Variants in HECW1 observed in about 807,000 individuals in gnomAD.
The protein encoded by HECW1 is E3 ubiquitin-protein ligase HECW1.
HECW1 carries 61 observed loss-of-function variants against 182.3 expected under a neutral mutation model. The observed-to-expected ratio is 0.33, with a 90% CI of 0.27 to 0.41. HECW1 has a LOEUF of 0.41. HECW1 is among the 10% of genes least tolerant of loss of function. HECW1 has a pLI of 1.00. For missense variants in HECW1, 1,739 were observed against 2,108.9 expected (o/e 0.82, Z 3.44); for synonymous variants, 859 against 832.6 (o/e 1.03, Z -0.55).
chr7:43,561,281 G>A (rs369624261), intron 29 of HECW1, among the ~76,000 whole-genome samples: 1 of 152,280 alleles, frequency 6.6e-6, no homozygotes, highest in South Asian at 2.1e-4. Flanking sequence ...GCAGCACTTC[G>A]ACTTTAGGTT....
At chr7:43,437,747 AT>A (rs1345497232) in intron 8 of HECW1, among the ~76,000 whole-genome samples, 6 of 152,200 alleles carry the variant, frequency 3.9e-5, no homozygotes, top group Non-Finnish European at 8.8e-5. Context: ...CTTTGGTGGC[AT>A]TCTTTCTCTT....
intron 2 of HECW1, among the ~76,000 whole-genome samples, chr7:43,207,130 T>C (rs959274337): frequency 6.6e-6 from 1 of 152,190 alleles, no homozygotes; most frequent in African/African-American, 2.4e-5. Context: ...CACTGCAACC[T>C]CCGTCTCCTG....
Position 43,311,668 on chromosome 7 carries a change from G to A in HECW1, c.28-95G>A, listed in dbSNP as rs377386173. ...CCCAGCAGGGCAGCTCACTCACAGC[G>A]CGTGTCTCCCAGCACATCTTTCGTT... On this transcript the variant is annotated intron_variant, in intron 3 of 29. Coordinates refer to ENST00000395891, the MANE Select transcript of HECW1 (RefSeq NM_015052.5). 362 of 1,105,176 alleles carry A rather than the reference G, an allele frequency of 3.3e-4. 3 individuals are homozygous for A. The highest frequency in any genetic ancestry group is 1.2e-4 in the African/African-American group (8 of 65,452). The allele number at this position is 1,105,176 out of a possible 1,614,324, so 68.5% of individuals were successfully genotyped here.
intron 3 of HECW1, among the ~76,000 whole-genome samples, chr7:43,272,314 A>G (rs1290484734): frequency 1.3e-5 from 2 of 152,192 alleles, no homozygotes; most frequent in African/African-American, 4.8e-5. Flanking sequence ...AATTGCAACA[A>G]AAACAAAAGT....
chr7:43,408,218 G>A (rs761438419), intron 8 of HECW1, among the ~76,000 whole-genome samples: 10 of 152,172 alleles, frequency 6.6e-5, no homozygotes, highest in Non-Finnish European at 1.3e-4. Flanking sequence ...AATATTGTTT[G>A]ATTTAAATAG....
intron 13 of HECW1, among the ~76,000 whole-genome samples, chr7:43,462,823 C>T (rs1422509021): frequency 5.3e-5 from 8 of 152,238 alleles, no homozygotes; most frequent in Non-Finnish European, 1.0e-4. Flanking sequence ...CCTTTCCCAA[C>T]AAGCTCCCCA....
At chr7:43,278,811 T>C (rs910155164) in intron 3 of HECW1, among the ~76,000 whole-genome samples, 3 of 152,158 alleles carry the variant, frequency 2.0e-5, no homozygotes, top group African/African-American at 4.8e-5. Flanking sequence ...GCATTTACAA[T>C]TGCAACCACC....
At chr7:43,483,185 T>G (rs1436922582) in intron 17 of HECW1, among the ~76,000 whole-genome samples, 2 of 152,162 alleles carry the variant, frequency 1.3e-5, no homozygotes. Context: ...TTGAGGAAAG[T>G]AATTGATTCA....
chr7:43,318,088 G>C (rs1321498057), intron 4 of HECW1, among the ~76,000 whole-genome samples: 1 of 152,134 alleles, frequency 6.6e-6, no homozygotes, highest in African/African-American at 2.4e-5. Context: ...ACAGAACAAA[G>C]TACCCAATAC....
At chr7:43,488,450 A>AAGAAAGAAAG (rs2152916433) in intron 17 of HECW1, among the ~76,000 whole-genome samples, 1 of 144,938 alleles carries the variant, frequency 6.9e-6, no homozygotes, top group South Asian at 2.3e-4. Flanking sequence ...GAAAGAAAGA[A>AAGAAAGAAAG]AGAAAGAAAG....
chr7:43,265,563 T>A (rs1801685284), intron 3 of HECW1, among the ~76,000 whole-genome samples: 2 of 152,226 alleles, frequency 1.3e-5, no homozygotes. Flanking sequence ...CTAATAAGTT[T>A]AAAACACCTT....
chr7:43,459,058 A>G (rs1225832279), intron 13 of HECW1, among the ~76,000 whole-genome samples: 1 of 152,112 alleles, frequency 6.6e-6, no homozygotes, highest in Non-Finnish European at 1.5e-5. Flanking sequence ...TGGCTTGGCC[A>G]CATGCTCCCA....
intron 28 of HECW1, among the ~76,000 whole-genome samples, chr7:43,553,874 G>A (rs576848885): frequency 7.2e-5 from 11 of 152,200 alleles, no homozygotes; most frequent in African/African-American, 2.2e-4. Flanking sequence ...CCCTTTGCAC[G>A]CTGCTCGTAG....
intron 19 of HECW1, among the ~76,000 whole-genome samples, chr7:43,497,617 G>A (rs750552552): frequency 1.3e-5 from 2 of 152,184 alleles, no homozygotes; most frequent in Admixed American, 6.5e-5. Flanking sequence ...GGGCTATGCA[G>A]GAGACTATTA....
chr7:43,336,823 T>C (rs1562854942), intron 5 of HECW1, among the ~76,000 whole-genome samples: 1 of 152,226 alleles, frequency 6.6e-6, no homozygotes, highest in East Asian at 1.9e-4. Context: ...GTTTCTGAGT[T>C]AGTTCACTTA....
At chr7:43,329,538 G>A (rs1466040047) in intron 5 of HECW1, among the ~76,000 whole-genome samples, 2 of 152,110 alleles carry the variant, frequency 1.3e-5, no homozygotes, top group Non-Finnish European at 2.9e-5. Flanking sequence ...ATGGCTTGGT[G>A]AGGAACTGGA....
chr7:43,137,233 C>G (rs1787639923), intron 2 of HECW1, among the ~76,000 whole-genome samples: 1 of 152,170 alleles, frequency 6.6e-6, no homozygotes, highest in Non-Finnish European at 1.5e-5. Context: ...CCCTCCCTCC[C>G]AGCAGGCATG....
chr7:43,317,413 A>G (rs1366222199), intron 4 of HECW1, among the ~76,000 whole-genome samples: 1 of 152,246 alleles, frequency 6.6e-6, no homozygotes. Context: ...AGGCAAAGGC[A>G]TCAGCCTCGT....
chr7:43,406,111 G>A (rs12702041), intron 7 of HECW1, among the ~76,000 whole-genome samples: 9,417 of 152,256 alleles, frequency 0.062, 416 homozygotes, highest in African/African-American at 0.12. Context: ...TGCCTGTTCT[G>A]GAGGGCTGCC....
Sources: gnomAD v4.1 joint callset for allele counts (sites outside exome capture counted in the v4.1 genomes callset) on GRCh38, gnomAD v4.1.1 for gene constraint, MANE v1.5 for transcripts, NCBI Gene and HGNC (gene_info 2026-07-23, HGNC 2026-07-21) for gene names.